Variants in PTPRD observed in about 807,000 individuals in gnomAD.
PTPRD encodes the protein protein tyrosine phosphatase receptor type D.
A neutral mutation model predicts 214.5 loss-of-function variants in PTPRD; 34 were observed. That is an observed-to-expected ratio of 0.16 (90% CI 0.12 to 0.21). The LOEUF (loss-of-function observed/expected upper bound fraction) is 0.21, where lower values mean the gene tolerates loss of function less well. Ranked by LOEUF, PTPRD falls within the 10% of genes least tolerant of loss-of-function variation. The probability of loss-of-function intolerance (pLI) is 1.00; values close to 1 mark genes in which losing one functional copy is unlikely to be tolerated. For missense variants in PTPRD, 2,545 were observed against 2,398.7 expected (o/e 1.06, Z -1.27); for synonymous variants, 1,128 against 845.7 (o/e 1.33, Z -5.79).
chr9:10,131,438 T>C (rs1269243384), intron 3 of PTPRD, among the ~76,000 whole-genome samples: 1 of 152,166 alleles, frequency 6.6e-6, no homozygotes, highest in African/African-American at 2.4e-5. Flanking sequence ...ACAAATATTG[T>C]TTATTATTTT....
At chr9:9,996,203 C>T (rs1407043950) in intron 4 of PTPRD, among the ~76,000 whole-genome samples, 1 of 152,074 alleles carries the variant, frequency 6.6e-6, no homozygotes, top group Non-Finnish European at 1.5e-5. Flanking sequence ...GGTCTGATAT[C>T]CTACTATGGT....
At chr9:10,583,989 T>A (rs2073022859) in intron 2 of PTPRD, among the ~76,000 whole-genome samples, 2 of 152,158 alleles carry the variant, frequency 1.3e-5, no homozygotes, top group Admixed American at 1.3e-4. Context: ...GTAACAATTC[T>A]GAGCATTGCC....
At chr9:8,476,142 A>AT (rs956264908) in intron 30 of PTPRD, among the ~76,000 whole-genome samples, 2 of 152,082 alleles carry the variant, frequency 1.3e-5, no homozygotes, top group African/African-American at 4.8e-5. Context: ...CCAAGGACTG[A>AT]TTTTATGGAA....
intron 3 of PTPRD, among the ~76,000 whole-genome samples, chr9:10,220,042 T>A (rs2099560909): frequency 6.6e-6 from 1 of 151,818 alleles, no homozygotes; most frequent in Admixed American, 6.6e-5. Flanking sequence ...ACACACAGAA[T>A]AACTGGTTGG....
chr9:8,485,352 TA>T (rs1368959432), intron 28 of PTPRD, 28 bp from the exon 29 acceptor site: 1 of 1,517,438 alleles, frequency 6.6e-7, no homozygotes, highest in Admixed American at 1.7e-5. Flanking sequence ...ACAGTGTATT[TA>T]AACTATTCTT....
intron 32 of PTPRD, 68 bp from the exon 33 acceptor site, chr9:8,460,639 G>A (rs2096371518): frequency 2.7e-6 from 4 of 1,490,048 alleles, no homozygotes; most frequent in Admixed American, 2.2e-5. Flanking sequence ...TTTAACATTA[G>A]AAGAAGCAAA....
chr9:9,959,675 A>G (rs1159578745), intron 4 of PTPRD, among the ~76,000 whole-genome samples: 1 of 152,196 alleles, frequency 6.6e-6, no homozygotes, highest in South Asian at 2.1e-4. Context: ...AGGTGCACAA[A>G]AACAGTGTAC....
chr9:9,661,704 A>T (rs1191099804), intron 7 of PTPRD, among the ~76,000 whole-genome samples: 1 of 151,904 alleles, frequency 6.6e-6, no homozygotes, highest in Non-Finnish European at 1.5e-5. Context: ...TTGACATACA[A>T]CATGATTCGA....
At chr9:9,012,579 G>A (rs1031129787) in intron 11 of PTPRD, among the ~76,000 whole-genome samples, 8 of 152,130 alleles carry the variant, frequency 5.3e-5, no homozygotes, top group African/African-American at 1.2e-4. Context: ...TTCACATGCA[G>A]ACAGGGAAAA....
At chr9:10,551,103 G>A (rs528840613) in intron 2 of PTPRD, among the ~76,000 whole-genome samples, 12 of 152,216 alleles carry the variant, frequency 7.9e-5, no homozygotes, top group African/African-American at 2.6e-4. Flanking sequence ...AAAAGCCAAA[G>A]TGGGAGCATC....
At chr9:8,470,518 G>A (rs1310689667) in intron 31 of PTPRD, among the ~76,000 whole-genome samples, 1 of 152,020 alleles carries the variant, frequency 6.6e-6, no homozygotes, top group Admixed American at 6.6e-5. Flanking sequence ...TATAGAACAA[G>A]GCAAACATCT....
intron 3 of PTPRD, among the ~76,000 whole-genome samples, chr9:10,074,609 T>A (rs937259141): frequency 1.3e-5 from 2 of 152,132 alleles, no homozygotes; most frequent in African/African-American, 4.8e-5. Flanking sequence ...CTTTCTCTGA[T>A]CCCACTAAAG....
intron 5 of PTPRD, among the ~76,000 whole-genome samples, chr9:9,905,809 C>T (rs11999385): frequency 0.75 from 113,157 of 151,854 alleles, 42,670 homozygotes; most frequent in Admixed American, 0.81. Flanking sequence ...AAAAAGTATA[C>T]AAACAAGGAC....
At chr9:10,107,781 C>T (rs1251816524) in intron 3 of PTPRD, among the ~76,000 whole-genome samples, 1 of 152,082 alleles carries the variant, frequency 6.6e-6, no homozygotes, top group Non-Finnish European at 1.5e-5. Context: ...GACATTAGAA[C>T]TGCAATGTCA....
chr9:10,214,297 A>G (rs1401350865), intron 3 of PTPRD, among the ~76,000 whole-genome samples: 1 of 151,910 alleles, frequency 6.6e-6, no homozygotes, highest in African/African-American at 2.4e-5. Flanking sequence ...TGTTTTTGAG[A>G]CAGACTTTCA....
At chr9:8,940,868 G>T (rs996196497) in intron 11 of PTPRD, among the ~76,000 whole-genome samples, 1 of 151,488 alleles carries the variant, frequency 6.6e-6, no homozygotes, top group African/African-American at 2.4e-5. Flanking sequence ...TGTTCACAAG[G>T]CCAACCATAC....
chr9:9,144,381 G>A (rs78651260), intron 10 of PTPRD, among the ~76,000 whole-genome samples: 18,336 of 152,120 alleles, frequency 0.12, 1,175 homozygotes, highest in East Asian at 0.22. Context: ...AATAAAATCC[G>A]AAATAGTTCA....
In PTPRD at chr9:9,719,440, C is replaced by T. The variant is rs183038643; in HGVS notation, c.-287+15093G>A. Among the ~76,000 whole-genome samples, 314 of 152,226 alleles carry T rather than the reference C, an allele frequency of 2.1e-3. 1 individual carries two copies. The highest frequency in any genetic ancestry group is 7.1e-3 in the African/African-American group (296 of 41,536). On this transcript the variant is annotated intron_variant, in intron 7 of 45. Transcript: ENST00000381196. ...ACCACAGGATTGAAGAGTGGTGAAC[C>T]TTCTGGGGGCTCAGACCTCTGGATT...
intron 14 of PTPRD, among the ~76,000 whole-genome samples, chr9:8,602,106 C>T (rs1228097896): frequency 2.0e-5 from 3 of 152,156 alleles, no homozygotes; most frequent in African/African-American, 7.2e-5. Flanking sequence ...TGGAACATGA[C>T]AGGAACTCCC....
Sources: gnomAD v4.1 joint callset for allele counts (sites outside exome capture counted in the v4.1 genomes callset) on GRCh38, gnomAD v4.1.1 for gene constraint, MANE v1.5 for transcripts, NCBI Gene and HGNC (gene_info 2026-07-23, HGNC 2026-07-21) for gene names.